CHPF2: variants seen among roughly 807,000 people sequenced by gnomAD.
CHPF2 encodes the protein chondroitin polymerizing factor 2, non-catalytic subunit.
Under a neutral mutation model 63.0 loss-of-function variants are expected in CHPF2, and 58 were observed. The ratio of observed to expected loss-of-function variants is 0.92; its 90% CI spans 0.75 to 1.15. The LOEUF is 1.15. Ranked by LOEUF, CHPF2 falls within the 50% of genes most tolerant of loss-of-function variation. CHPF2 has a pLI of 0.00. For missense variants in CHPF2, 1,045 were observed against 1,035.4 expected, an observed-to-expected ratio of 1.01 and a Z score of -0.13; for synonymous variants, 442 against 438.0, an observed-to-expected ratio of 1.01 and a Z score of -0.11.
chr7:151,233,052 C>A lies in CHPF2; in HGVS notation c.-960C>A. The A allele has an allele frequency of 4.0e-6, 5 of 1,254,404 alleles. No homozygotes were observed. Among genetic ancestry groups the A allele is most frequent in the Non-Finnish European group, 5.0e-6 (5 of 998,650 alleles). The allele number at this position is 1,254,404 out of a possible 1,614,324, so 77.7% of individuals were successfully genotyped here. ...CAGGGGTCCTGTCGGAAGCTGGCCG[C>A]GCTTCTGTTTGCGTTCCCAGGACCC... On this transcript the variant is annotated 5_prime_UTR_variant, in exon 1 of 4. Transcript: ENST00000035307.
rs1199729111 is a variant in CHPF2 at position 151,236,496 on chromosome 7, A to G, written c.917A>G (p.His306Arg). The G allele has an allele frequency of 6.2e-7, 1 of 1,611,472 alleles. No homozygotes were observed. Among genetic ancestry groups the G allele is most frequent in the Admixed American group, 1.7e-5 (1 of 59,944 alleles). ...SSAFLSAFAV[H>R]PVSEGTLMYR... ...GCTTTCCTGAGTGCCTTCGCCGTGC[A>G]CCCTGTCTCCGAAGGTACCCTCATG... Residue 306 changes from histidine to arginine, a missense_variant, in exon 3 of 4, where the codon CAC becomes CGC. Transcript: ENST00000035307.
In CHPF2 at chr7:151,237,496, C is replaced by G. The variant is rs1017637450; in HGVS notation, c.1134C>G (p.Phe378Leu). The G allele has an allele frequency of 6.2e-7, 1 of 1,613,932 alleles. No individual in the cohort carries two copies. Among genetic ancestry groups the G allele is most frequent in the Non-Finnish European group, 8.5e-7 (1 of 1,180,040 alleles). Residue 378 changes from phenylalanine to leucine, a missense_variant, in exon 4 of 4, where the codon TTC (phenylalanine) becomes TTG (leucine). Transcript: ENST00000035307. ...SRFEVLGWDY[F>L]TEQHTFSCAD... Reference sequence around the variant, plus strand: ...TTGAGGTGCTGGGCTGGGACTACTTCACAGAGCAGCACACCTTCTCCTGTG... The same window carrying G: ...TTGAGGTGCTGGGCTGGGACTACTTGACAGAGCAGCACACCTTCTCCTGTG...
chr7:151,232,636 G>A lies in CHPF2; in HGVS notation c.-1376G>A. ...CTCTTGGTCCCCACGCCTCCGCCCC[G>A]CCCCCTCCCGGGACGCCGGGAGACC... On this transcript the variant is annotated 5_prime_UTR_variant, in exon 1 of 4. Coordinates refer to ENST00000035307, the MANE Select transcript of CHPF2 (RefSeq NM_019015.3). 1.1e-6 allele frequency: 1 copy of A among 932,966 alleles called. No homozygotes were observed. Among genetic ancestry groups the A allele is most frequent in the Non-Finnish European group, 1.5e-6 (1 of 651,898 alleles). 57.8% of individuals were successfully genotyped at this position (932,966 alleles called of 1,614,324 possible). A position where few individuals can be genotyped will look rare whatever the true frequency, so the allele number is the denominator to read the frequency against.
In CHPF2 at chr7:151,237,839, C is replaced by T; in HGVS notation, c.1477C>T (p.Leu493=). ...TGAGGCCACCCGAGTGCAGCTGGTG[C>T]TGCCACTCCTGGTGGCTGAAGCTGC... ...VTEATRVQLV[L]PLLVAEAAAA... Residue 493 remains leucine (L), a synonymous_variant, in exon 4 of 4, where the codon CTG becomes TTG. Coordinates refer to ENST00000035307, the MANE Select transcript of CHPF2 (RefSeq NM_019015.3). 1 of 1,612,660 alleles carries T rather than the reference C, an allele frequency of 6.2e-7. No individual in the cohort carries two copies. Among genetic ancestry groups the T allele is most frequent in the South Asian group, 1.1e-5 (1 of 91,092 alleles).
Position 151,238,436 on chromosome 7 carries a change from G to A in CHPF2, c.2074G>A (p.Gly692Ser), listed in dbSNP as rs536291951. ...AGCCCGGCTGGCAGGTGAACTGGCA[G>A]GCCAGGAAGAGGAGGAAGCCCTGGA... ...ARARLAGELA[G>S]QEEEEALEGL... Residue 692 changes from glycine to serine, a missense_variant, in exon 4 of 4, where the codon GGC becomes AGC. Transcript: ENST00000035307. 4 of 1,590,044 alleles carry A rather than the reference G, an allele frequency of 2.5e-6. No homozygotes were observed. The East Asian group carries it at 9.1e-5, about 36-fold the overall frequency.
At chr7:151,235,772 T>C (rs982422721) in intron 2 of CHPF2, among the ~76,000 whole-genome samples, 160 bp downstream of exon 2, 1 of 152,240 alleles carries the variant, frequency 6.6e-6, no homozygotes, top group Non-Finnish European at 1.5e-5. Flanking sequence ...TCTGAGAACC[T>C]GGGGCTATCA....
chr7:151,237,395 G>T lies in CHPF2; in HGVS notation c.1033G>T (p.Val345Leu). ...QLQAQIRNLTVLTPEGEAGLS... is the reference protein window; with the variant it reads ...QLQAQIRNLTLLTPEGEAGLS... ...CCAGGCTCAGATCCGGAACCTGACC[G>T]TGCTGACCCCCGAAGGGGAGGCAGG... is the stretch of plus-strand genomic sequence containing the variant. The change falls in exon 4 of 4, where the codon GTG becomes TTG. Residue 345 changes from valine (V) to leucine (L), a missense_variant. Physicochemically the swap from Val to Leu is conservative, Grantham distance 32. Transcript: ENST00000035307. The T allele has an allele frequency of 1.9e-6, 3 of 1,601,530 alleles. No individual in the cohort carries two copies. The highest frequency in any genetic ancestry group is 2.6e-6 in the Non-Finnish European group (3 of 1,170,560).
chr7:151,235,436 G>A lies in CHPF2; in HGVS notation c.652G>A (p.Glu218Lys), dbSNP rs372526283. 8.5e-5 allele frequency: 137 copies of A among 1,612,108 alleles called. No homozygotes were observed. Among genetic ancestry groups the A allele is most frequent in the Non-Finnish European group, 1.0e-4 (119 of 1,180,038 alleles). ...GGCAGAGGAGTTCATTGGCGCAGGC[G>A]AGCAGGCCCGGTACTGTCATGGGGG... is the stretch of plus-strand genomic sequence containing the variant. ...GRAEEFIGAGEQARYCHGGFG... is the reference protein window; with the variant it reads ...GRAEEFIGAGKQARYCHGGFG... The change falls in exon 2 of 4, where the codon GAG becomes AAG. Residue 218 changes from glutamate to lysine, a missense_variant. Coordinates refer to ENST00000035307, the MANE Select transcript of CHPF2 (RefSeq NM_019015.3).
chr7:151,238,106 A>G lies in CHPF2; in HGVS notation c.1744A>G (p.Lys582Glu). 6.2e-7 allele frequency: 1 copy of G among 1,612,330 alleles called. No homozygotes were observed. Among genetic ancestry groups the G allele is most frequent in the Non-Finnish European group, 8.5e-7 (1 of 1,179,992 alleles). Reference sequence around the variant, plus strand: ...GGTGCGACTCATGGACGTGGTCTCGAAGAAGCACCCTGTGGACACTCTCTT... The same window carrying G: ...GGTGCGACTCATGGACGTGGTCTCGGAGAAGCACCCTGTGGACACTCTCTT... ...SQVRLMDVVS[K>E]KHPVDTLFFL... is the part of the protein sequence containing the mutation. The change falls in exon 4 of 4, where the codon AAG becomes GAG. Residue 582 changes from lysine (K) to glutamate (E), a missense_variant. Coordinates refer to ENST00000035307, the MANE Select transcript of CHPF2 (RefSeq NM_019015.3).
chr7:151,237,278 C>T (rs1468759748), intron 3 of CHPF2, 96 bp from the exon 4 acceptor site: 3 of 895,926 alleles, frequency 3.3e-6, no homozygotes, highest in Non-Finnish European at 5.1e-6. Flanking sequence ...GGAGTTAGGA[C>T]AGAGCTCAGC....
At position 151,235,228 on chromosome 7, in the gene CHPF2, G is replaced by C; in HGVS notation, c.444G>C (p.Val148=). ...CCCGGGCTCCAGCAGGGATGCAGGT[G>C]GTGTCTCATGGGGATGAGCGGCCCG... ...RGARAPAGMQ[V]VSHGDERPAW... is the part of the protein sequence containing the mutation. The change falls in exon 2 of 4, where the codon GTG becomes GTC. Residue 148 remains valine, a synonymous_variant. Coordinates refer to ENST00000035307, the MANE Select transcript of CHPF2 (RefSeq NM_019015.3). The C allele has an allele frequency of 6.2e-7, 1 of 1,613,106 alleles. No homozygotes were observed. The highest frequency in any genetic ancestry group is 1.1e-5 in the South Asian group (1 of 91,064).
rs569006229 is a variant in CHPF2, at chr7:151,234,161, A to G, written c.150A>G (p.Gly50=). 18 of 1,613,686 alleles carry G rather than the reference A, an allele frequency of 1.1e-5. 1 individual carries two copies. In the South Asian group the frequency reaches 2.0e-4, roughly 18 times the overall value. ...DPCVEAVGER[G]GPQNPDSRAR... ...GTGTCGAGGCTGTAGGGGAGCGAGG[A>G]GGGCCACAGAATCCAGATTCCAGAG... Residue 50 remains glycine (G), a synonymous_variant, in exon 1 of 4, where the codon GGA becomes GGG. Coordinates refer to ENST00000035307, the MANE Select transcript of CHPF2 (RefSeq NM_019015.3).
chr7:151,237,521 G>A lies in CHPF2; in HGVS notation c.1159G>A (p.Ala387Thr). 1 of 1,614,040 alleles carries A rather than the reference G, an allele frequency of 6.2e-7. No individual in the cohort carries two copies. The change falls in exon 4 of 4, where the codon GCA becomes ACA. Residue 387 changes from alanine (A) to threonine (T), a missense_variant. Coordinates refer to ENST00000035307, the MANE Select transcript of CHPF2 (RefSeq NM_019015.3). ...CACAGAGCAGCACACCTTCTCCTGT[G>A]CAGATGGGGCTCCCAAGTGCCCACT... ...YFTEQHTFSC[A>T]DGAPKCPLQG...
At position 151,238,785 on chromosome 7, in the gene CHPF2, T is replaced by A. The variant is rs776081151; in HGVS notation, c.*104T>A. ...GATAGAGAATTGTTGCTGTATTTTT[T>A]AAATATGAAAATGTTATTAAACATG... On this transcript the variant is annotated 3_prime_UTR_variant, in exon 4 of 4. Coordinates refer to ENST00000035307, the MANE Select transcript of CHPF2 (RefSeq NM_019015.3). 42 of 1,564,376 alleles carry A rather than the reference T, an allele frequency of 2.7e-5. No individual in the cohort carries two copies. The South Asian group carries it at 4.2e-4, about 16-fold the overall frequency.
rs775820706 is a variant in CHPF2, at chr7:151,236,538, G to A, written c.959G>A (p.Arg320His). 12 of 1,605,416 alleles carry A rather than the reference G, an allele frequency of 7.5e-6. No individual in the cohort carries two copies. In the African/African-American group the frequency reaches 1.1e-4, roughly 14 times the overall value. ...ACCCTCATGTACCGGCTCCACAAACGCTTCAGCGCTCTGGAGTTGGAGCGG... is the reference window on the plus strand; with the variant it reads ...ACCCTCATGTACCGGCTCCACAAACACTTCAGCGCTCTGGAGTTGGAGCGG... ...EGTLMYRLHK[R>H]FSALELERAY... Residue 320 changes from arginine (R) to histidine (H), a missense_variant, in exon 3 of 4, where the codon CGC (arginine) becomes CAC (histidine). By Grantham distance (29) the Arg-to-His change is conservative. Coordinates refer to ENST00000035307, the MANE Select transcript of CHPF2 (RefSeq NM_019015.3).
In CHPF2 at chr7:151,238,404, C is replaced by T. The variant is rs769109645; in HGVS notation, c.2042C>T (p.Ala681Val). ...EGCFYNADYL[A>V]ARARLAGELA... ...TGCTTCTACAACGCTGACTACCTGG[C>T]GGCCCGAGCCCGGCTGGCAGGTGAA... The change falls in exon 4 of 4, where the codon GCG (alanine) becomes GTG (valine). Residue 681 changes from alanine to valine, a missense_variant. Physicochemically the swap from Ala to Val is moderately conservative, Grantham distance 64. Coordinates refer to ENST00000035307, the MANE Select transcript of CHPF2 (RefSeq NM_019015.3). 15 of 1,600,724 alleles carry T rather than the reference C, an allele frequency of 9.4e-6. No homozygotes were observed. Among genetic ancestry groups the T allele is most frequent in the South Asian group, 1.1e-5 (1 of 89,836 alleles).
Position 151,233,116 on chromosome 7 carries a change from CT to C in CHPF2, c.-892del. On this transcript the variant is annotated 5_prime_UTR_variant, in exon 1 of 4. Coordinates refer to ENST00000035307, the MANE Select transcript of CHPF2 (RefSeq NM_019015.3). ...AGTTGCTGCTTGTGCTCTCTCTTTGCTTTTGGTTTGCTTCATTTGGCCCCTG... is the reference window on the plus strand; with the variant it reads ...AGTTGCTGCTTGTGCTCTCTCTTTGCTTTGGTTTGCTTCATTTGGCCCCTG... The C allele has an allele frequency of 2.6e-6, 3 of 1,166,518 alleles. No homozygotes were observed. The highest frequency in any genetic ancestry group is 3.2e-6 in the Non-Finnish European group (3 of 945,264). The allele number at this position is 1,166,518 out of a possible 1,614,324, so 72.3% of individuals were successfully genotyped here. A position where few individuals can be genotyped will look rare whatever the true frequency, so the allele number is the denominator to read the frequency against.
Position 151,237,464 on chromosome 7 carries a change from T to A in CHPF2, c.1102T>A (p.Ser368Thr). The change falls in exon 4 of 4, where the codon TCT becomes ACT. Residue 368 changes from serine (S) to threonine (T), a missense_variant. By Grantham distance (58) the Ser-to-Thr change is moderately conservative. Coordinates refer to ENST00000035307, the MANE Select transcript of CHPF2 (RefSeq NM_019015.3). ...GCTCCCTGCTCCTTTCACACCACAC[T>A]CTCGCTTTGAGGTGCTGGGCTGGGA... Reference protein sequence around the residue: ...VGLPAPFTPHSRFEVLGWDYF... With the variant: ...VGLPAPFTPHTRFEVLGWDYF... The A allele has an allele frequency of 2.5e-6, 4 of 1,613,906 alleles. No individual in the cohort carries two copies. The highest frequency in any genetic ancestry group is 1.7e-4 in the Middle Eastern group (1 of 6,060).
rs1033085079 is a variant in CHPF2, at chr7:151,234,137, T to G, written c.126T>G (p.Cys42Trp). The G allele has an allele frequency of 1.3e-5, 21 of 1,613,216 alleles. No individual in the cohort carries two copies. Among genetic ancestry groups the G allele is most frequent in the Non-Finnish European group, 1.8e-5 (21 of 1,179,578 alleles). ...SWIQGEGEDPCVEAVGERGGP... is the reference protein window; with the variant it reads ...SWIQGEGEDPWVEAVGERGGP... ...TCCAGGGGGAGGGAGAAGATCCCTG[T>G]GTCGAGGCTGTAGGGGAGCGAGGAG... The change falls in exon 1 of 4, where the codon TGT (cysteine) becomes TGG (tryptophan). Residue 42 changes from cysteine (C) to tryptophan (W), a missense_variant. Physicochemically the swap from Cys to Trp is radical, Grantham distance 215 (BLOSUM62 -2). Transcript: ENST00000035307.
Sources: gnomAD v4.1 joint callset for allele counts (sites outside exome capture counted in the v4.1 genomes callset) on GRCh38, gnomAD v4.1.1 for gene constraint, MANE v1.5 for transcripts, NCBI Gene and HGNC (gene_info 2026-07-23, HGNC 2026-07-21) for gene names.